C1orf21: variants seen among roughly 807,000 people sequenced by gnomAD.
C1orf21 encodes the protein chromosome 1 open reading frame 21, also known as uncharacterized protein C1orf21.
C1orf21 carries 3 observed loss-of-function variants against 18.7 expected under a neutral mutation model. The observed-to-expected ratio is 0.16, with a 90% CI of 0.07 to 0.42. C1orf21 has a LOEUF of 0.42. Ranked by LOEUF, C1orf21 falls within the 10% of genes least tolerant of loss-of-function variation. C1orf21 has a pLI of 0.99. For missense variants in C1orf21, 104 were observed against 143.6 expected, an observed-to-expected ratio of 0.72 and a Z score of 1.41; for synonymous variants, 41 against 46.4, an observed-to-expected ratio of 0.88 and a Z score of 0.47.
intron 1 of C1orf21, among the ~76,000 whole-genome samples, chr1:184,392,345 C>A (rs939223640): frequency 1.2e-4 from 19 of 152,180 alleles, no homozygotes; most frequent in African/African-American, 4.6e-4. Context: ...AGATTCACTG[C>A]TGCTCCCTCT....
At chr1:184,516,305 C>G (rs1202689765) in intron 3 of C1orf21, among the ~76,000 whole-genome samples, 1 of 134,454 alleles carries the variant, frequency 7.4e-6, no homozygotes, top group Non-Finnish European at 1.6e-5. Flanking sequence ...TTAAAACAAA[C>G]AAAACAGGGT....
At chr1:184,423,009 C>T (rs1203502103) in intron 1 of C1orf21, among the ~76,000 whole-genome samples, 1 of 152,200 alleles carries the variant, frequency 6.6e-6, no homozygotes, top group African/African-American at 2.4e-5. Flanking sequence ...CATCCATTGG[C>T]ATTATGTCTT....
chr1:184,505,306 AATATATATATATATATAT>A (rs59445875), intron 2 of C1orf21, among the ~76,000 whole-genome samples: 1,754 of 66,810 alleles, frequency 0.026, 85 homozygotes, highest in African/African-American at 0.1. Context: ...TACATAAAGA[AATATATATATATATATAT>A]ATATATATAT....
At chr1:184,556,299 A>G (rs569185168) in intron 3 of C1orf21, among the ~76,000 whole-genome samples, 1 of 152,194 alleles carries the variant, frequency 6.6e-6, no homozygotes, top group Non-Finnish European at 1.5e-5. Context: ...CTTTCATACC[A>G]GGTATACTCC....
chr1:184,403,827 A>C (rs1481736520), intron 1 of C1orf21, among the ~76,000 whole-genome samples: 1 of 152,162 alleles, frequency 6.6e-6, no homozygotes, highest in Admixed American at 6.5e-5. Flanking sequence ...TCAAGCAGTA[A>C]GAAATCTGTT....
At chr1:184,440,455 TTGGTTAG>T (rs1381581745) in intron 1 of C1orf21, among the ~76,000 whole-genome samples, 2 of 152,124 alleles carry the variant, frequency 1.3e-5, no homozygotes, top group African/African-American at 4.8e-5. Context: ...TTTCACCATA[TTGGTTAG>T]GCTGGTCTCA....
chr1:184,578,319 T>C (rs978280731), intron 3 of C1orf21, among the ~76,000 whole-genome samples: 1 of 152,214 alleles, frequency 6.6e-6, no homozygotes, highest in Non-Finnish European at 1.5e-5. Flanking sequence ...ATAGCTGAAT[T>C]CCTAAGATCT....
At chr1:184,394,868 T>A (rs1656025014) in intron 1 of C1orf21, among the ~76,000 whole-genome samples, 1 of 152,168 alleles carries the variant, frequency 6.6e-6, no homozygotes, top group South Asian at 2.1e-4. Context: ...ATCTCTTGAG[T>A]TGCTTAGTAG....
intron 3 of C1orf21, among the ~76,000 whole-genome samples, chr1:184,542,214 T>TA (rs1658663190): frequency 6.6e-6 from 1 of 152,150 alleles, no homozygotes; most frequent in Non-Finnish European, 1.5e-5. Context: ...GATATCAAGG[T>TA]AAAAGACAGG....
intron 1 of C1orf21, among the ~76,000 whole-genome samples, chr1:184,417,280 A>G (rs890875050): frequency 1.3e-5 from 2 of 152,186 alleles, no homozygotes; most frequent in African/African-American, 4.8e-5. Flanking sequence ...CATAAGGAAA[A>G]ACGGTCAAAA....
intron 1 of C1orf21, among the ~76,000 whole-genome samples, chr1:184,415,874 G>A (rs1656442138): frequency 6.6e-6 from 1 of 152,144 alleles, no homozygotes. Context: ...ACTGCCACAG[G>A]ATAGAAGTGT....
chr1:184,515,314 G>C (rs964775015), intron 3 of C1orf21, among the ~76,000 whole-genome samples: 1 of 152,108 alleles, frequency 6.6e-6, no homozygotes, highest in African/African-American at 2.4e-5. Flanking sequence ...TTTTTAAAAA[G>C]GGAGATAACA....
chr1:184,579,379 GTTTTTTTTTTTTTTTTT>G (rs201010891), intron 3 of C1orf21, among the ~76,000 whole-genome samples: 8,007 of 71,624 alleles, frequency 0.11, 470 homozygotes, highest in African/African-American at 0.23. Context: ...TATAAGCTGG[GTTTTTTTTTTTTTTTTT>G]TTTTTTTTTT....
chr1:184,567,650 G>T, intron 3 of C1orf21: 1 of 402,636 alleles, frequency 2.5e-6, no homozygotes, highest in Admixed American at 3.0e-5. Context: ...GCCTACAATG[G>T]CATCACCAGC....
At chr1:184,488,048 G>A (rs1227670478) in intron 2 of C1orf21, among the ~76,000 whole-genome samples, 2 of 152,136 alleles carry the variant, frequency 1.3e-5, no homozygotes, top group African/African-American at 4.8e-5. Flanking sequence ...AGGAGAATGC[G>A]TCATCAGTTT....
intron 3 of C1orf21, among the ~76,000 whole-genome samples, chr1:184,577,219 A>C (rs1441053988): frequency 6.6e-6 from 1 of 151,334 alleles, no homozygotes; most frequent in Non-Finnish European, 1.5e-5. Flanking sequence ...AGAGGGAAGC[A>C]AGAGAATCAG....
At chr1:184,572,717 G>A (rs1038660364) in intron 3 of C1orf21, among the ~76,000 whole-genome samples, 1 of 152,120 alleles carries the variant, frequency 6.6e-6, no homozygotes, top group Non-Finnish European at 1.5e-5. Flanking sequence ...ACTTTGGAAG[G>A]CTGAGGCAGG....
chr1:184,417,269 G>A (rs1042716660), intron 1 of C1orf21, among the ~76,000 whole-genome samples: 2 of 152,154 alleles, frequency 1.3e-5, no homozygotes, highest in Non-Finnish European at 2.9e-5. Flanking sequence ...GCCTTTGCTA[G>A]CATAAGGAAA....
chr1:184,539,846 A>T (rs186393331), intron 3 of C1orf21: 1 of 152,184 alleles, frequency 6.6e-6, no homozygotes, highest in African/African-American at 2.4e-5. Flanking sequence ...TTAAGACCCA[A>T]TGCAGAATTC....
Sources: allele counts gnomAD v4.1 joint callset (sites outside exome capture counted in the v4.1 genomes callset), GRCh38; gene constraint gnomAD v4.1.1; transcripts MANE v1.5; gene names NCBI Gene and HGNC (gene_info 2026-07-23, HGNC 2026-07-21).